The following GRID1 variants were observed in gnomAD, a reference collection of about 807,000 sequenced individuals.
The protein encoded by GRID1 is glutamate receptor ionotropic, delta-1.
In GRID1, 28 loss-of-function variants were observed where a neutral mutation model predicts 98.0. That is an observed-to-expected ratio of 0.29 (90% CI 0.21 to 0.39). GRID1 has a LOEUF of 0.39. Among genes scored for constraint, GRID1 ranks in the 10% least tolerant of loss-of-function variants. GRID1 has a pLI of 1.00. For missense variants in GRID1, 1,111 were observed against 1,340.5 expected, an observed-to-expected ratio of 0.83 and a Z score of 2.67; for synonymous variants, 553 against 538.5, an observed-to-expected ratio of 1.03 and a Z score of -0.37.
chr10:86,181,570 G>GGGTGTCCTT (rs916117419), intron 3 of GRID1, among the ~76,000 whole-genome samples: 3 of 152,162 alleles, frequency 2.0e-5, no homozygotes, highest in African/African-American at 4.8e-5. Flanking sequence ...GACACCTGAG[G>GGGTGTCCTT]GGTGAACTAG....
intron 2 of GRID1, among the ~76,000 whole-genome samples, chr10:86,219,418 C>T (rs1846221279): frequency 6.6e-6 from 1 of 152,250 alleles, no homozygotes; most frequent in South Asian, 2.1e-4. Flanking sequence ...AAGGGCCATC[C>T]CTCCACAGAC....
intron 4 of GRID1, among the ~76,000 whole-genome samples, chr10:86,128,411 C>G (rs1205089987): frequency 1.3e-5 from 2 of 152,148 alleles, no homozygotes; most frequent in Admixed American, 6.5e-5. Flanking sequence ...TCTCCCCTAC[C>G]TTCACACTTG....
At chr10:86,321,057 G>T (rs1343530339) in intron 2 of GRID1, among the ~76,000 whole-genome samples, 2 of 147,404 alleles carry the variant, frequency 1.4e-5, no homozygotes, top group Non-Finnish European at 3.0e-5. Context: ...CCAAGATCGC[G>T]CCACTGCACT....
At chr10:85,705,499 A>G (rs1262027738) in intron 12 of GRID1, among the ~76,000 whole-genome samples, 1 of 152,198 alleles carries the variant, frequency 6.6e-6, no homozygotes, top group African/African-American at 2.4e-5. Flanking sequence ...CCAGGACCAG[A>G]TGGATTCACA....
chr10:85,826,780 T>C (rs1842824152), intron 8 of GRID1, among the ~76,000 whole-genome samples: 1 of 152,074 alleles, frequency 6.6e-6, no homozygotes, highest in Admixed American at 6.6e-5. Context: ...CACAGCAGGT[T>C]CCTAACTTCA....
At chr10:86,143,735 GCAC>G (rs1245031713) in intron 3 of GRID1, among the ~76,000 whole-genome samples, 1 of 152,234 alleles carries the variant, frequency 6.6e-6, no homozygotes, top group Non-Finnish European at 1.5e-5. Flanking sequence ...AGGTCTCCAG[GCAC>G]CCAGGAGAGG....
At chr10:86,336,260 G>A (rs1848219805) in intron 2 of GRID1, among the ~76,000 whole-genome samples, 2 of 152,192 alleles carry the variant, frequency 1.3e-5, no homozygotes, top group African/African-American at 4.8e-5. Context: ...AACACTAATA[G>A]GGTGCACAAT....
chr10:85,640,476 C>T (rs1319174349), intron 13 of GRID1, among the ~76,000 whole-genome samples: 2 of 152,198 alleles, frequency 1.3e-5, no homozygotes, highest in Non-Finnish European at 2.9e-5. Context: ...TTGAATCTAG[C>T]ATCCCAAAAG....
chr10:85,825,383 GTT>G (rs147988234), intron 8 of GRID1, among the ~76,000 whole-genome samples: 5 of 146,496 alleles, frequency 3.4e-5, no homozygotes, highest in African/African-American at 7.5e-5. Flanking sequence ...TGATGGGATT[GTT>G]TTTTTTTTTC....
intron 12 of GRID1, among the ~76,000 whole-genome samples, chr10:85,700,340 C>A (rs1335073573): frequency 3.3e-5 from 5 of 152,140 alleles, no homozygotes; most frequent in Non-Finnish European, 7.4e-5. Flanking sequence ...GATTTGAAAC[C>A]AGTCAGTCAA....
chr10:86,097,725 T>G (rs1345263769), intron 4 of GRID1, among the ~76,000 whole-genome samples: 2 of 152,234 alleles, frequency 1.3e-5, no homozygotes, highest in Non-Finnish European at 2.9e-5. Flanking sequence ...TGACACCATG[T>G]ATGTGGGAAA....
intron 4 of GRID1, among the ~76,000 whole-genome samples, chr10:86,124,625 T>C (rs1844724726): frequency 6.6e-6 from 1 of 152,212 alleles, no homozygotes; most frequent in Non-Finnish European, 1.5e-5. Context: ...GGTTTACTCA[T>C]TTATTTGTTT....
At chr10:85,698,101 G>A (rs1841413610) in intron 12 of GRID1, among the ~76,000 whole-genome samples, 1 of 152,082 alleles carries the variant, frequency 6.6e-6, no homozygotes, top group Non-Finnish European at 1.5e-5. Context: ...GGGTAATCTG[G>A]AGAGTGCAGG....
At chr10:86,151,683 A>G (rs1407370818) in intron 3 of GRID1, among the ~76,000 whole-genome samples, 2 of 152,188 alleles carry the variant, frequency 1.3e-5, no homozygotes, top group African/African-American at 2.4e-5. Flanking sequence ...AGCAGCCCCA[A>G]CCGAGTTAAC....
intron 12 of GRID1, among the ~76,000 whole-genome samples, chr10:85,664,788 A>G (rs1841001877): frequency 6.6e-6 from 1 of 152,204 alleles, no homozygotes; most frequent in African/African-American, 2.4e-5. Context: ...TGAGTGATGT[A>G]TGTTAATGAC....
At chr10:85,820,255 G>A (rs999458252) in intron 8 of GRID1, among the ~76,000 whole-genome samples, 3 of 151,790 alleles carry the variant, frequency 2.0e-5, no homozygotes, top group African/African-American at 7.3e-5. Flanking sequence ...AAATTGACAA[G>A]GTCTTTAAAA....
intron 4 of GRID1, among the ~76,000 whole-genome samples, chr10:86,027,933 T>C (rs1013161995): frequency 2.6e-5 from 4 of 152,180 alleles, no homozygotes; most frequent in African/African-American, 9.7e-5. Context: ...TGATGAACAC[T>C]GGGTTTGTAC....
chr10:85,841,063 G>C (rs192716378), intron 8 of GRID1, among the ~76,000 whole-genome samples: 1 of 152,138 alleles, frequency 6.6e-6, no homozygotes, highest in African/African-American at 2.4e-5. Flanking sequence ...AAAGCTGGAG[G>C]TATCAGGGTA....
At chr10:85,886,490 G>A (rs1351019626) in intron 5 of GRID1, among the ~76,000 whole-genome samples, 1 of 152,278 alleles carries the variant, frequency 6.6e-6, no homozygotes, top group Admixed American at 6.5e-5. Flanking sequence ...GTACAGGGCA[G>A]ATTTTCACTG....
Sources: gnomAD v4.1 joint callset for allele counts (sites outside exome capture counted in the v4.1 genomes callset) on GRCh38, gnomAD v4.1.1 for gene constraint, MANE v1.5 for transcripts, NCBI Gene and HGNC (gene_info 2026-07-23, HGNC 2026-07-21) for gene names.